The following DRC11 variants were observed in gnomAD, a reference collection of about 807,000 sequenced individuals.
DRC11 encodes dynein regulatory complex subunit 11.
chr2:236,327,587 A>G, the DRC11 span, among the ~76,000 whole-genome samples: 5 of 152,106 alleles, frequency 3.3e-5, no homozygotes, highest in African/African-American at 1.2e-4. Flanking sequence ...ATTTTTCTCT[A>G]TGCTGCATTC....
chr2:236,425,734 C>T, the DRC11 span, among the ~76,000 whole-genome samples: 2 of 151,898 alleles, frequency 1.3e-5, no homozygotes, highest in Non-Finnish European at 2.9e-5. Flanking sequence ...GAGATTTCCC[C>T]TATGTTTTCT....
the DRC11 span, chr2:236,392,111 C>CATGTCTTG: frequency 6.3e-7 from 1 of 1,589,332 alleles, no homozygotes; most frequent in Non-Finnish European, 8.6e-7. This position sits in a 1 kb window ranked among gnomAD's most constrained non-coding sequence, Gnocchi z 5.1. Flanking sequence ...AGTCACTTTG[C>CATGTCTTG]ATGTCTTGTG....
the DRC11 span, among the ~76,000 whole-genome samples, chr2:236,480,022 GT>G: frequency 8.3e-3 from 1,125 of 135,280 alleles, 4 homozygotes; most frequent in Middle Eastern, 0.028. Flanking sequence ...TGGTTGACAG[GT>G]TTTTTTTTTT....
chr2:236,459,806 T>C, the DRC11 span, among the ~76,000 whole-genome samples: 1 of 151,732 alleles, frequency 6.6e-6, no homozygotes, highest in Admixed American at 6.6e-5. Context: ...CTCTTTAAGC[T>C]CTATCTTGCG....
the DRC11 span, among the ~76,000 whole-genome samples, chr2:236,490,328 C>A: frequency 7.2e-5 from 11 of 152,142 alleles, no homozygotes; most frequent in African/African-American, 2.7e-4. The surrounding 1 kb of genome is among the most constrained non-coding windows in gnomAD (Gnocchi z 5.5). Context: ...GAGAAGGAGC[C>A]AATTTGAACA....
chr2:236,344,568 C>A, the DRC11 span: 2 of 1,612,838 alleles, frequency 1.2e-6, no homozygotes, highest in Non-Finnish European at 1.7e-6. Context: ...ATCTTTTCTG[C>A]GTTGGGAACT....
At chr2:236,411,954 A>C in the DRC11 span, among the ~76,000 whole-genome samples, 2 of 150,038 alleles carry the variant, frequency 1.3e-5, no homozygotes, top group African/African-American at 2.5e-5. Flanking sequence ...CTAGATGACG[A>C]GTTAGTGGGT....
At chr2:236,331,441 T>C in the DRC11 span, 1 of 1,614,030 alleles carries the variant, frequency 6.2e-7, no homozygotes, top group Non-Finnish European at 8.5e-7. This position sits in a 1 kb window ranked among gnomAD's most constrained non-coding sequence, Gnocchi z 4.8. Context: ...GAGAGGTTTA[T>C]GAATTTGCCG....
At chr2:236,421,458 A>G in the DRC11 span, among the ~76,000 whole-genome samples, 1 of 146,964 alleles carries the variant, frequency 6.8e-6, no homozygotes. Flanking sequence ...TAGAAAATCT[A>G]GAAGAAATGG....
the DRC11 span, among the ~76,000 whole-genome samples, chr2:236,378,138 A>G: frequency 6.6e-6 from 1 of 152,140 alleles, no homozygotes; most frequent in African/African-American, 2.4e-5. Context: ...TAATCCAATG[A>G]CCCTAGTCTT....
chr2:236,440,890 G>A, the DRC11 span: 1 of 570,926 alleles, frequency 1.8e-6, no homozygotes, highest in East Asian at 3.0e-5. Flanking sequence ...ATATGAAAGT[G>A]TGTACAATGA....
chr2:236,384,837 A>C, the DRC11 span, among the ~76,000 whole-genome samples: 181 of 152,096 alleles, frequency 1.2e-3, no homozygotes, highest in Non-Finnish European at 2.1e-3. Flanking sequence ...TGATTTTTGC[A>C]TAAGGTGTAA....
At chr2:236,507,430 G>A in the DRC11 span, 263 of 700,510 alleles carry the variant, frequency 3.8e-4, no homozygotes, top group Non-Finnish European at 5.2e-4. Flanking sequence ...TTCTGCTTCG[G>A]GCAGGAAAAG....
the DRC11 span, among the ~76,000 whole-genome samples, chr2:236,448,170 C>T: frequency 6.6e-6 from 1 of 152,104 alleles, no homozygotes; most frequent in Admixed American, 6.5e-5. The surrounding 1 kb of genome is among the most constrained non-coding windows in gnomAD (Gnocchi z 5.3). Flanking sequence ...ATAATCATCC[C>T]CTCAAAGCTT....
chr2:236,491,129 A>ATATATATACAGTATG, the DRC11 span, among the ~76,000 whole-genome samples: 1 of 115,770 alleles, frequency 8.6e-6, no homozygotes, highest in East Asian at 2.1e-4. Flanking sequence ...GTGTGTATAT[A>ATATATATACAGTATG]TATATATATA....
At chr2:236,491,271 T>TATATATATATAC in the DRC11 span, among the ~76,000 whole-genome samples, 39 of 67,448 alleles carry the variant, frequency 5.8e-4, 2 homozygotes, top group African/African-American at 2.6e-3. Flanking sequence ...TATATATATA[T>TATATATATATAC]ACACACAGTA....
the DRC11 span, among the ~76,000 whole-genome samples, chr2:236,483,057 G>A: frequency 6.6e-6 from 1 of 152,162 alleles, no homozygotes; most frequent in Admixed American, 6.5e-5. The surrounding 1 kb of genome is among the most constrained non-coding windows in gnomAD (Gnocchi z 4.8). Flanking sequence ...CCTTCCCCCA[G>A]TCCCTGACAA....
the DRC11 span, among the ~76,000 whole-genome samples, chr2:236,414,930 G>T: frequency 6.6e-6 from 1 of 152,118 alleles, no homozygotes; most frequent in East Asian, 1.9e-4. Flanking sequence ...GCAATAAATT[G>T]GAAATTCACA....
chr2:236,362,884 G>A, the DRC11 span, among the ~76,000 whole-genome samples: 1 of 152,198 alleles, frequency 6.6e-6, no homozygotes, highest in Non-Finnish European at 1.5e-5. This position sits in a 1 kb window ranked among gnomAD's most constrained non-coding sequence, Gnocchi z 5.7. Context: ...ACGTGGCTAA[G>A]GGAAGAAATC....
Sources: allele counts gnomAD v4.1 joint callset (sites outside exome capture counted in the v4.1 genomes callset), GRCh38; gene constraint gnomAD v4.1.1; non-coding constraint Gnocchi (gnomAD v3.1); transcripts MANE v1.5; gene names NCBI Gene and HGNC (gene_info 2026-07-23, HGNC 2026-07-21).